The following COL25A1 variants were observed in gnomAD, a reference collection of about 807,000 sequenced individuals.
The protein encoded by COL25A1 is collagen alpha-1(XXV) chain.
Under a neutral mutation model 128.4 loss-of-function variants are expected in COL25A1, and 103 were observed. The ratio of observed to expected loss-of-function variants is 0.80; its 90% CI spans 0.68 to 0.94. The LOEUF (loss-of-function observed/expected upper bound fraction) is 0.94. Ranked by LOEUF, COL25A1 falls within the 40% of genes least tolerant of loss-of-function variation. The probability of loss-of-function intolerance (pLI) is 0.00; values close to 1 mark genes in which losing one functional copy is unlikely to be tolerated. For synonymous variants in COL25A1, 279 were observed against 277.2 expected (o/e 1.01, Z -0.06); for missense variants, 745 against 840.0 (o/e 0.89, Z 1.40).
intron 8 of COL25A1, among the ~76,000 whole-genome samples, chr4:108,943,537 T>C (rs538803754): frequency 6.6e-6 from 1 of 152,304 alleles, no homozygotes; most frequent in South Asian, 2.1e-4. Flanking sequence ...ACATGTGTAT[T>C]TCATGTCAGG....
intron 6 of COL25A1, among the ~76,000 whole-genome samples, chr4:108,979,833 T>C (rs1025020700): frequency 2.6e-5 from 4 of 152,118 alleles, no homozygotes; most frequent in African/African-American, 7.2e-5. Context: ...TCACAATCAG[T>C]GGACTAAATA....
intron 3 of COL25A1, among the ~76,000 whole-genome samples, chr4:109,067,374 G>A (rs1762533959): frequency 6.6e-6 from 1 of 152,042 alleles, no homozygotes; most frequent in Non-Finnish European, 1.5e-5. Context: ...GAGCACCGGG[G>A]TCCCCTACCC....
intron 5 of COL25A1, among the ~76,000 whole-genome samples, chr4:109,038,201 T>C (rs1036751731): frequency 3.3e-5 from 5 of 152,316 alleles, no homozygotes; most frequent in African/African-American, 1.2e-4. Flanking sequence ...GCTGTGGAGA[T>C]ATTTTGTGGC....
At chr4:108,966,058 G>C (rs1343547359) in intron 8 of COL25A1, among the ~76,000 whole-genome samples, 1 of 152,176 alleles carries the variant, frequency 6.6e-6, no homozygotes, top group Non-Finnish European at 1.5e-5. Context: ...GAGTTGAGAA[G>C]TAAAATCTGT....
intron 3 of COL25A1, among the ~76,000 whole-genome samples, chr4:109,164,862 T>C (rs1490103129): frequency 6.6e-6 from 1 of 152,212 alleles, no homozygotes; most frequent in African/African-American, 2.4e-5. Context: ...CAATTATATT[T>C]AGTTAGAAAC....
At chr4:109,106,960 G>C (rs1241254325) in intron 3 of COL25A1, among the ~76,000 whole-genome samples, 3 of 151,948 alleles carry the variant, frequency 2.0e-5, no homozygotes, top group African/African-American at 4.8e-5. Flanking sequence ...GTAGAGATGG[G>C]GTCTCACTAT....
intron 28 of COL25A1, among the ~76,000 whole-genome samples, chr4:108,845,577 A>G (rs1289099569): frequency 2.0e-5 from 3 of 152,178 alleles, no homozygotes; most frequent in African/African-American, 7.2e-5. Context: ...CAGCAAAGGT[A>G]AGGCTTTTAA....
chr4:108,895,031 A>T (rs1271836705), intron 16 of COL25A1, among the ~76,000 whole-genome samples: 2 of 152,150 alleles, frequency 1.3e-5, no homozygotes, highest in African/African-American at 2.4e-5. Context: ...GGGCCCCGTA[A>T]CAGAGAATTA....
At chr4:108,898,898 A>C (rs1742467033) in intron 15 of COL25A1, among the ~76,000 whole-genome samples, 2 of 152,116 alleles carry the variant, frequency 1.3e-5, no homozygotes, top group African/African-American at 4.8e-5. Context: ...TTTTTAACCC[A>C]AATTTTTGTC....
At chr4:109,019,140 C>G (rs1757466862) in intron 5 of COL25A1, among the ~76,000 whole-genome samples, 1 of 151,850 alleles carries the variant, frequency 6.6e-6, no homozygotes, top group Non-Finnish European at 1.5e-5. Context: ...TTCCAGTGAA[C>G]AAAAAGCAGG....
At chr4:109,026,856 T>C (rs1455138066) in intron 5 of COL25A1, among the ~76,000 whole-genome samples, 4 of 151,948 alleles carry the variant, frequency 2.6e-5, no homozygotes, top group Non-Finnish European at 4.4e-5. Context: ...AGAAGAAGAA[T>C]GCGGAGAAAG....
chr4:109,229,195 C>T (rs1779002647), intron 3 of COL25A1, among the ~76,000 whole-genome samples: 2 of 152,188 alleles, frequency 1.3e-5, no homozygotes, highest in Non-Finnish European at 1.5e-5. Flanking sequence ...GTAAGGTCTT[C>T]CTGATTATTC....
intron 6 of COL25A1, among the ~76,000 whole-genome samples, chr4:108,982,416 C>T (rs1265576126): frequency 2.0e-5 from 3 of 152,108 alleles, no homozygotes; most frequent in African/African-American, 4.8e-5. Flanking sequence ...ATAGACTAAA[C>T]GTCAGGCCCT....
At chr4:109,254,727 A>G (rs1780971084) in intron 3 of COL25A1, among the ~76,000 whole-genome samples, 1 of 151,822 alleles carries the variant, frequency 6.6e-6, no homozygotes, top group Admixed American at 6.6e-5. Flanking sequence ...AATTCCTTTA[A>G]TAAGCTTAAC....
intron 3 of COL25A1, among the ~76,000 whole-genome samples, chr4:109,054,671 A>C (rs899778685): frequency 6.6e-5 from 10 of 152,228 alleles, no homozygotes; most frequent in African/African-American, 2.2e-4. Flanking sequence ...CAAACAGTAG[A>C]AAATATTCCA....
At chr4:109,046,329 A>G (rs1760428001) in intron 5 of COL25A1, among the ~76,000 whole-genome samples, 1 of 152,212 alleles carries the variant, frequency 6.6e-6, no homozygotes, top group Non-Finnish European at 1.5e-5. Context: ...GAAAATTTGG[A>G]CTAACAGATG....
At chr4:109,133,445 A>C (rs1365368756) in intron 3 of COL25A1, among the ~76,000 whole-genome samples, 1 of 152,146 alleles carries the variant, frequency 6.6e-6, no homozygotes, top group Non-Finnish European at 1.5e-5. Context: ...CCTGCCCATT[A>C]AGACATTGAA....
chr4:109,052,046 G>C (rs1761049827), intron 3 of COL25A1, among the ~76,000 whole-genome samples: 2 of 152,146 alleles, frequency 1.3e-5, no homozygotes, highest in South Asian at 4.1e-4. Context: ...ACATGTCTTA[G>C]AGGCCTCTAA....
chr4:109,302,237 G>T lies in COL25A1; in HGVS notation c.-125C>A. On this transcript the variant is annotated 5_prime_UTR_variant, in exon 1 of 38. Coordinates refer to ENST00000399132, the MANE Select transcript of COL25A1 (RefSeq NM_198721.4). ...CCGCTTTCTTCTCTCCTCCCAGCTG[G>T]AAGTGAAAAGCACCCTCCGTCCGGG... 1 of 576,510 alleles carries T rather than the reference G, an allele frequency of 1.7e-6. No homozygotes were observed. The allele number at this position is 576,510 out of a possible 1,614,324, so 35.7% of individuals were successfully genotyped here.
Sources: gnomAD v4.1 joint callset for allele counts (sites outside exome capture counted in the v4.1 genomes callset) on GRCh38, gnomAD v4.1.1 for gene constraint, MANE v1.5 for transcripts, NCBI Gene and HGNC (gene_info 2026-07-23, HGNC 2026-07-21) for gene names.